Variants in RCOR3 observed in about 807,000 individuals in gnomAD.
The protein encoded by RCOR3 is REST corepressor 3.
Under a neutral mutation model 64.1 loss-of-function variants are expected in RCOR3, and 13 were observed. The observed-to-expected ratio is 0.20, with a 90% confidence interval of 0.13 to 0.32. The LOEUF (loss-of-function observed/expected upper bound fraction) is 0.32. RCOR3 is among the 10% of genes least tolerant of loss of function. The pLI is 1.00. For synonymous variants in RCOR3, 215 were observed against 239.0 expected (o/e 0.90, Z 0.93); for missense variants, 489 against 701.2 (o/e 0.70, Z 3.42).
At chr1:211,308,555 C>G (rs1294588512) in intron 10 of RCOR3, among the ~76,000 whole-genome samples, 2 of 150,990 alleles carry the variant, frequency 1.3e-5, no homozygotes, top group African/African-American at 4.9e-5. Flanking sequence ...CCCAGTTAAA[C>G]TAAGTACATG....
intron 2 of RCOR3, among the ~76,000 whole-genome samples, chr1:211,264,690 A>G (rs1390484656): frequency 6.6e-6 from 1 of 152,242 alleles, no homozygotes; most frequent in Non-Finnish European, 1.5e-5. Context: ...TCTCAAAAAA[A>G]GAAAGAATTA....
At chr1:211,280,112 C>CA (rs2102518265) in intron 7 of RCOR3, among the ~76,000 whole-genome samples, 3 of 152,174 alleles carry the variant, frequency 2.0e-5, no homozygotes, top group East Asian at 3.9e-4. Context: ...TTATAGTACC[C>CA]AGGACATAGA....
At chr1:211,294,227 C>T (rs919128536) in intron 8 of RCOR3, among the ~76,000 whole-genome samples, 1 of 152,168 alleles carries the variant, frequency 6.6e-6, no homozygotes, top group Admixed American at 6.5e-5. Context: ...GTAGCAGCTA[C>T]CTCAATTCAC....
At chr1:211,259,851 C>G (rs1463806181) in intron 1 of RCOR3, 125 bp downstream of exon 1, 2 of 1,130,054 alleles carry the variant, frequency 1.8e-6, no homozygotes, top group Non-Finnish European at 2.4e-6. Flanking sequence ...GCGGTAGCCT[C>G]GAACTCCCGG....
At chr1:211,303,810 A>G (rs1700610369) in intron 9 of RCOR3, 1 of 239,642 alleles carries the variant, frequency 4.2e-6, no homozygotes, top group Non-Finnish European at 8.0e-6. Context: ...TGGGAAACTA[A>G]TAGACTTTCT....
Position 211,259,444 on chromosome 1 carries a change from C to G in RCOR3, c.-117C>G. 2 of 1,069,790 alleles carry G rather than the reference C, an allele frequency of 1.9e-6. No homozygotes were observed. Among genetic ancestry groups the G allele is most frequent in the South Asian group, 1.6e-5 (1 of 62,062 alleles). The allele number at this position is 1,069,790 out of a possible 1,614,324, so 66.3% of individuals were successfully genotyped here. On this transcript the variant is annotated 5_prime_UTR_variant, in exon 1 of 12. Transcript: ENST00000419091. ...ATATTAACAGCCTCCTCCTCCTCCGCCGCCGCCGCCGTCTCCTCCTCCTCC... is the reference window on the plus strand; with the variant it reads ...ATATTAACAGCCTCCTCCTCCTCCGGCGCCGCCGCCGTCTCCTCCTCCTCC...
At chr1:211,278,846 A>G (rs1207030419) in intron 6 of RCOR3, among the ~76,000 whole-genome samples, 2 of 152,138 alleles carry the variant, frequency 1.3e-5, no homozygotes, top group African/African-American at 2.4e-5. Flanking sequence ...TAGTAAAATT[A>G]TTTAGATATA....
At chr1:211,264,724 A>G (rs549255099) in intron 2 of RCOR3, among the ~76,000 whole-genome samples, 2 of 152,336 alleles carry the variant, frequency 1.3e-5, no homozygotes, top group African/African-American at 2.4e-5. Flanking sequence ...TTTAGGAAAT[A>G]TGAGAAGAAT....
At chr1:211,287,740 G>C (rs1571909969) in intron 7 of RCOR3, among the ~76,000 whole-genome samples, 1 of 152,226 alleles carries the variant, frequency 6.6e-6, no homozygotes, top group East Asian at 1.9e-4. Context: ...AATTAGCTGG[G>C]CATGGTGGCG....
intron 8 of RCOR3, among the ~76,000 whole-genome samples, chr1:211,295,044 ATTTTTTTTTT>A (rs67407386): frequency 9.0e-5 from 4 of 44,390 alleles, no homozygotes; most frequent in Admixed American, 2.5e-4. Context: ...TGACCAGCTA[ATTTTTTTTTT>A]TTTTTTTTTT....
At chr1:211,287,672 G>A (rs1698713744) in intron 7 of RCOR3, among the ~76,000 whole-genome samples, 1 of 152,104 alleles carries the variant, frequency 6.6e-6, no homozygotes, top group Admixed American at 6.5e-5. Context: ...CCTGATGTCA[G>A]GAGTTGAAGA....
chr1:211,291,619 A>G (rs1248824794), intron 8 of RCOR3: 8 of 453,294 alleles, frequency 1.8e-5, no homozygotes, highest in Middle Eastern at 3.2e-4. Flanking sequence ...TTGCAACAGT[A>G]TAGTGTGGGA....
chr1:211,274,274 A>C lies in RCOR3; in HGVS notation c.354+12A>C. ...ACAATGTGGAACAGGTATGTAGAGA[A>C]ACACTTCAGTAGTAAGGCTTGTCCC... On this transcript the variant is annotated intron_variant, in intron 4 of 11. Coordinates refer to ENST00000419091, the MANE Select transcript of RCOR3 (RefSeq NM_001136223.3). 6.4e-7 allele frequency: 1 copy of C among 1,569,462 alleles called. No individual in the cohort carries two copies. Among genetic ancestry groups the C allele is most frequent in the South Asian group, 1.1e-5 (1 of 89,526 alleles).
At chr1:211,270,293 C>T (rs1466564462) in intron 2 of RCOR3, among the ~76,000 whole-genome samples, 2 of 152,070 alleles carry the variant, frequency 1.3e-5, no homozygotes, top group Non-Finnish European at 2.9e-5. Context: ...GAACTCGTGA[C>T]CTCAGGTGAT....
intron 4 of RCOR3, among the ~76,000 whole-genome samples, chr1:211,274,801 C>A (rs1696718540): frequency 6.6e-6 from 1 of 151,642 alleles, no homozygotes; most frequent in Non-Finnish European, 1.5e-5. Flanking sequence ...TAATATATGT[C>A]TGTATGTAGA....
At chr1:211,281,268 G>A (rs540398477) in intron 7 of RCOR3, among the ~76,000 whole-genome samples, 10 of 152,036 alleles carry the variant, frequency 6.6e-5, no homozygotes, top group Non-Finnish European at 1.2e-4. Context: ...TAACCATTGT[G>A]TCTCAATTTT....
At chr1:211,268,064 G>A (rs923553864) in intron 2 of RCOR3, among the ~76,000 whole-genome samples, 2 of 152,128 alleles carry the variant, frequency 1.3e-5, no homozygotes, top group African/African-American at 4.8e-5. Flanking sequence ...GGGACTTAAT[G>A]GAAAACTTTC....
intron 4 of RCOR3, 145 bp from the exon 5 acceptor site, chr1:211,276,112 G>T: frequency 1.5e-6 from 1 of 663,372 alleles, no homozygotes. Context: ...CTACCTGAGC[G>T]CCCCTGATTT....
Position 211,279,308 on chromosome 1 carries a change from A to G in RCOR3, c.712A>G (p.Lys238Glu). 1 of 1,604,648 alleles carries G rather than the reference A, an allele frequency of 6.2e-7. No individual in the cohort carries two copies. The highest frequency in any genetic ancestry group is 8.5e-7 in the Non-Finnish European group (1 of 1,172,094). ...TGATTATGATCCCAAAAAAGAAGCC[A>G]AAAAAGAGGTAATGATGATCACTAG... Reference protein sequence around the residue: ...DSDYDPKKEAKKEGNTEQPVQ... With the variant: ...DSDYDPKKEAEKEGNTEQPVQ... Residue 238 changes from lysine to glutamate, a missense_variant, in exon 7 of 12, where the codon AAA becomes GAA. This residue lies in a region of RCOR3 where 402 missense variants were observed against 617.0 expected (regional missense o/e 0.65). Coordinates refer to ENST00000419091, the MANE Select transcript of RCOR3 (RefSeq NM_001136223.3).
Sources: allele counts gnomAD v4.1 joint callset (sites outside exome capture counted in the v4.1 genomes callset), GRCh38; gene constraint gnomAD v4.1.1; regional missense constraint gnomAD v4.1.1; transcripts MANE v1.5; gene names NCBI Gene and HGNC (gene_info 2026-07-23, HGNC 2026-07-21).